Variants in RTL9 observed in about 807,000 individuals in gnomAD.
The protein encoded by RTL9 is retrotransposon Gag-like protein 9.
In RTL9, 19 loss-of-function variants were observed where a neutral mutation model predicts 44.7. That is an observed-to-expected ratio of 0.42 (90% CI 0.30 to 0.62). RTL9 has a LOEUF of 0.62. Ranked by LOEUF, RTL9 falls within the 20% of genes least tolerant of loss-of-function variation. The pLI is 0.16. For missense variants in RTL9, 1,105 were observed against 1,080.6 expected (o/e 1.02, Z -0.32); for synonymous variants, 407 against 398.9 (o/e 1.02, Z -0.24).
chrX:110,387,621 T>A (rs1016309701), intron 1 of RTL9, among the ~76,000 whole-genome samples: 5 of 111,678 alleles, frequency 4.5e-5, no homozygotes, highest in African/African-American at 1.6e-4. Flanking sequence ...AATTTACAAC[T>A]TGATTTAGAA....
chrX:110,427,716 C>T (rs2068764294), intron 1 of RTL9, among the ~76,000 whole-genome samples: 1 of 112,278 alleles, frequency 8.9e-6, no homozygotes, highest in Non-Finnish European at 1.9e-5. Flanking sequence ...GTCCAAACTC[C>T]TTAGCTTGGC....
intron 1 of RTL9, among the ~76,000 whole-genome samples, chrX:110,378,130 C>T (rs969152088): frequency 1.8e-5 from 2 of 110,774 alleles, no homozygotes; most frequent in East Asian, 2.8e-4. Flanking sequence ...ATAAATCTTG[C>T]GTTATTCTGC....
chrX:110,425,708 G>A (rs1404123700), intron 1 of RTL9, among the ~76,000 whole-genome samples: 1 of 111,928 alleles, frequency 8.9e-6, no homozygotes, highest in African/African-American at 3.3e-5. Context: ...TTTCCCCCAC[G>A]TTACAGAGCA....
At chrX:110,389,374 C>T (rs1289709899) in intron 1 of RTL9, among the ~76,000 whole-genome samples, 1 of 112,091 alleles carries the variant, frequency 8.9e-6, no homozygotes. Flanking sequence ...AGGTTGCTTG[C>T]AACAGTGGAA....
At chrX:110,427,853 G>A (rs1019458018) in intron 1 of RTL9, among the ~76,000 whole-genome samples, 2 of 111,779 alleles carry the variant, frequency 1.8e-5, no homozygotes, top group African/African-American at 6.5e-5. Flanking sequence ...TTACCTCTGT[G>A]CATTTGCACA....
chrX:110,443,424 G>T (rs973237291), intron 1 of RTL9, among the ~76,000 whole-genome samples: 16 of 111,777 alleles, frequency 1.4e-4, no homozygotes, highest in Non-Finnish European at 2.6e-4. Context: ...CTTGATGCAG[G>T]GTTTCCCCAC....
chrX:110,409,939 C>T (rs182173548), intron 1 of RTL9, among the ~76,000 whole-genome samples: 75 of 111,968 alleles, frequency 6.7e-4, no homozygotes, highest in Non-Finnish European at 1.2e-3. Flanking sequence ...AATGGAATTA[C>T]CAGGAATGCT....
chrX:110,374,778 C>A (rs755902151), intron 1 of RTL9, among the ~76,000 whole-genome samples: 10 of 109,931 alleles, frequency 9.1e-5, no homozygotes, highest in Non-Finnish European at 1.5e-4. Flanking sequence ...CATGAATAGA[C>A]CATAGGATAG....
At chrX:110,382,202 A>G (rs897338354) in intron 1 of RTL9, among the ~76,000 whole-genome samples, 4 of 111,524 alleles carry the variant, frequency 3.6e-5, no homozygotes, top group Non-Finnish European at 7.5e-5. Context: ...GTGGAAAAAA[A>G]CAGAGGAAAC....
At chrX:110,436,052 G>GC (rs1463896631) in intron 1 of RTL9, among the ~76,000 whole-genome samples, 3 of 112,589 alleles carry the variant, frequency 2.7e-5, no homozygotes, top group Non-Finnish European at 5.6e-5. Context: ...GTCTTCTATA[G>GC]CCCCAACTAG....
chrX:110,388,152 C>T (rs898671840), intron 1 of RTL9, among the ~76,000 whole-genome samples: 5 of 111,778 alleles, frequency 4.5e-5, no homozygotes, highest in African/African-American at 1.6e-4. Flanking sequence ...CAGGCGTGAG[C>T]CACCGCCCAG....
At chrX:110,395,363 G>A (rs1328649316) in intron 1 of RTL9, among the ~76,000 whole-genome samples, 1 of 112,085 alleles carries the variant, frequency 8.9e-6, no homozygotes, top group Non-Finnish European at 1.9e-5. Context: ...CCAGGGCAGA[G>A]GCTAGACTGT....
chrX:110,429,243 C>CTT (rs377376446), intron 1 of RTL9, among the ~76,000 whole-genome samples: 9 of 106,402 alleles, frequency 8.5e-5, no homozygotes, highest in African/African-American at 2.7e-4. Flanking sequence ...TTTTGTTCAT[C>CTT]TTTTTTTTTT....
chrX:110,369,633 C>T (rs2068323746), intron 1 of RTL9, among the ~76,000 whole-genome samples: 1 of 111,430 alleles, frequency 9.0e-6, no homozygotes, highest in South Asian at 3.9e-4. Flanking sequence ...TAGAGTCTCC[C>T]TCTGCCCCCA....
chrX:110,429,927 T>C (rs1452782130), intron 1 of RTL9, among the ~76,000 whole-genome samples: 1 of 112,821 alleles, frequency 8.9e-6, no homozygotes, highest in East Asian at 2.7e-4. Flanking sequence ...TCTGTTTTCA[T>C]TGTTTCTGGC....
intron 1 of RTL9, among the ~76,000 whole-genome samples, chrX:110,365,576 C>T (rs1023681066): frequency 1.8e-5 from 2 of 111,958 alleles, no homozygotes; most frequent in Non-Finnish European, 3.8e-5. Context: ...GCAATAATCT[C>T]TCTCTAATAT....
chrX:110,393,781 G>A (rs2068510602), intron 1 of RTL9, among the ~76,000 whole-genome samples: 1 of 112,629 alleles, frequency 8.9e-6, no homozygotes, highest in African/African-American at 3.2e-5. Flanking sequence ...GGACAGGATG[G>A]CGTCCTGACC....
intron 1 of RTL9, among the ~76,000 whole-genome samples, chrX:110,375,394 G>A (rs943436808): frequency 1.3e-4 from 15 of 111,768 alleles, no homozygotes; most frequent in African/African-American, 4.9e-4. Context: ...CTTAAACATT[G>A]AGGCTAGTTT....
intron 1 of RTL9, among the ~76,000 whole-genome samples, chrX:110,434,858 T>A (rs1276380301): frequency 9.1e-6 from 1 of 109,868 alleles, no homozygotes; most frequent in Non-Finnish European, 1.9e-5. Context: ...GGGCAAGGGC[T>A]AGGGACAGAG....
Sources: gnomAD v4.1 joint callset for allele counts (sites outside exome capture counted in the v4.1 genomes callset) on GRCh38, gnomAD v4.1.1 for gene constraint, MANE v1.5 for transcripts, NCBI Gene and HGNC (gene_info 2026-07-23, HGNC 2026-07-21) for gene names.